The following OCA2 variants were observed in gnomAD, a reference collection of about 807,000 sequenced individuals.
OCA2 encodes the protein OCA2 melanosomal transmembrane protein.
A neutral mutation model predicts 100.2 loss-of-function variants in OCA2; 77 were observed. That is an observed-to-expected ratio of 0.77 (90% confidence interval 0.64 to 0.93). OCA2 has a LOEUF of 0.93. Among genes scored for constraint, OCA2 ranks in the 40% least tolerant of loss-of-function variants. The probability of loss-of-function intolerance (pLI) is 0.00; values close to 1 mark genes in which losing one functional copy is unlikely to be tolerated. For missense variants in OCA2, 1,062 were observed against 1,089.1 expected (o/e 0.98, Z 0.35); for synonymous variants, 432 against 439.2 (o/e 0.98, Z 0.21).
intron 19 of OCA2, among the ~76,000 whole-genome samples, chr15:27,873,933 T>C (rs2036685116): frequency 6.6e-6 from 1 of 152,226 alleles, no homozygotes; most frequent in Non-Finnish European, 1.5e-5. Flanking sequence ...AGATTATACA[T>C]ATTACTTGTC....
At chr15:27,923,764 C>T (rs1269733734) in intron 19 of OCA2, among the ~76,000 whole-genome samples, 1 of 152,072 alleles carries the variant, frequency 6.6e-6, no homozygotes, top group Non-Finnish European at 1.5e-5. Flanking sequence ...TCCTATTAGA[C>T]CTTTGTCAGA....
At chr15:27,741,159 A>G in the OCA2 span, among the ~76,000 whole-genome samples, 3 of 152,240 alleles carry the variant, frequency 2.0e-5, no homozygotes, top group Non-Finnish European at 1.5e-5. Flanking sequence ...GTCTTAGATC[A>G]TGAAAATATA....
At chr15:27,763,361 C>T (rs1174603717) in intron 23 of OCA2, among the ~76,000 whole-genome samples, 1 of 152,176 alleles carries the variant, frequency 6.6e-6, no homozygotes, top group Non-Finnish European at 1.5e-5. Flanking sequence ...AGACATGCTA[C>T]TGGCTAGGAG....
At chr15:28,080,783 A>G (rs549836761) in intron 2 of OCA2, among the ~76,000 whole-genome samples, 43 of 152,374 alleles carry the variant, frequency 2.8e-4, no homozygotes, top group African/African-American at 9.9e-4. Flanking sequence ...ACACCTACTC[A>G]TAGGATGCTG....
At chr15:27,961,098 A>C (rs912023179) in intron 15 of OCA2, among the ~76,000 whole-genome samples, 3 of 152,142 alleles carry the variant, frequency 2.0e-5, no homozygotes, top group Non-Finnish European at 2.9e-5. Flanking sequence ...ACTTAAACAA[A>C]TTTACAAGAA....
At chr15:27,733,130 A>C in the OCA2 span, among the ~76,000 whole-genome samples, 1 of 152,232 alleles carries the variant, frequency 6.6e-6, no homozygotes, top group Non-Finnish European at 1.5e-5. Flanking sequence ...TTTGGTTGAA[A>C]TATCATCAAA....
chr15:27,927,238 G>A (rs747481044), intron 18 of OCA2, among the ~76,000 whole-genome samples: 2 of 152,150 alleles, frequency 1.3e-5, no homozygotes, highest in Non-Finnish European at 2.9e-5. Flanking sequence ...GTGGTGAGCC[G>A]AGATCACGCC....
chr15:28,056,889 G>C (rs1010352164), intron 2 of OCA2, among the ~76,000 whole-genome samples: 1 of 152,228 alleles, frequency 6.6e-6, no homozygotes, highest in African/African-American at 2.4e-5. Context: ...CAGGGACATA[G>C]GCCAGTGGGG....
At chr15:27,759,612 C>T (rs527735651) in intron 23 of OCA2, among the ~76,000 whole-genome samples, 11 of 151,482 alleles carry the variant, frequency 7.3e-5, no homozygotes, top group Admixed American at 3.9e-4. Flanking sequence ...GTCAATCCAC[C>T]GAGAGATCAT....
intron 19 of OCA2, among the ~76,000 whole-genome samples, chr15:27,899,818 T>C (rs1200072315): frequency 6.6e-6 from 1 of 152,158 alleles, no homozygotes; most frequent in Admixed American, 6.5e-5. Flanking sequence ...TACCAATGAA[T>C]GTCACTATCT....
At chr15:27,948,630 TA>T (rs1047742535) in intron 18 of OCA2, among the ~76,000 whole-genome samples, 27 of 152,150 alleles carry the variant, frequency 1.8e-4, no homozygotes, top group African/African-American at 6.5e-4. Context: ...CACACCCAGC[TA>T]ATTTTTGTAT....
At chr15:27,810,343 T>C (rs529886965) in intron 23 of OCA2, among the ~76,000 whole-genome samples, 1 of 152,302 alleles carries the variant, frequency 6.6e-6, no homozygotes, top group Admixed American at 6.5e-5. Context: ...TCTCACCTTG[T>C]ACAAAAATCA....
intron 23 of OCA2, among the ~76,000 whole-genome samples, chr15:27,810,927 G>A (rs543232076): frequency 7.2e-5 from 11 of 152,346 alleles, no homozygotes; most frequent in Admixed American, 4.6e-4. Context: ...TGGTGGGAAT[G>A]TAAATTAGTA....
intron 2 of OCA2, among the ~76,000 whole-genome samples, chr15:28,054,068 G>A (rs1372795195): frequency 3.9e-5 from 6 of 152,102 alleles, no homozygotes; most frequent in Admixed American, 3.3e-4. Context: ...GTGGGCATGT[G>A]TAAGTGCATA....
intron 18 of OCA2, among the ~76,000 whole-genome samples, chr15:27,948,874 T>C (rs1314453756): frequency 6.6e-6 from 1 of 152,156 alleles, no homozygotes; most frequent in Non-Finnish European, 1.5e-5. Context: ...TCCATGTATA[T>C]GACAGCCCCA....
intron 17 of OCA2, among the ~76,000 whole-genome samples, chr15:27,952,133 T>C (rs777228926): frequency 1.3e-5 from 2 of 152,240 alleles, no homozygotes; most frequent in African/African-American, 2.4e-5. Flanking sequence ...AGCCCTGTTA[T>C]GAAACACCTG....
At chr15:27,978,222 T>C (rs779683563) in intron 14 of OCA2, among the ~76,000 whole-genome samples, 2 of 152,212 alleles carry the variant, frequency 1.3e-5, no homozygotes, top group Non-Finnish European at 2.9e-5. Flanking sequence ...CTAGAATCCA[T>C]TTCAGTTAAT....
At chr15:28,094,912 C>T (rs2044943685) in intron 1 of OCA2, among the ~76,000 whole-genome samples, 1 of 152,240 alleles carries the variant, frequency 6.6e-6, no homozygotes, top group Admixed American at 6.5e-5. Flanking sequence ...GGCCAGGGCG[C>T]GGCGCCGGGC....
intron 9 of OCA2, among the ~76,000 whole-genome samples, chr15:28,003,319 G>A (rs780487282): frequency 6.6e-6 from 1 of 152,258 alleles, no homozygotes; most frequent in African/African-American, 2.4e-5. Context: ...AGAGAATCGA[G>A]ATGTTCCCAA....
Sources: allele counts gnomAD v4.1 joint callset (sites outside exome capture counted in the v4.1 genomes callset), GRCh38; gene constraint gnomAD v4.1.1; transcripts MANE v1.5; gene names NCBI Gene and HGNC (gene_info 2026-07-23, HGNC 2026-07-21).